Variants in LRRC4C observed in about 807,000 individuals in gnomAD.
LRRC4C encodes the protein leucine rich repeat containing 4C, also known as leucine-rich repeat-containing protein 4C.
A neutral mutation model predicts 33.6 loss-of-function variants in LRRC4C; 5 were observed. The observed-to-expected ratio is 0.15, with a 90% CI of 0.08 to 0.31. The LOEUF (loss-of-function observed/expected upper bound fraction) is 0.31. LRRC4C is among the 10% of genes least tolerant of loss of function. The pLI is 1.00. For missense variants in LRRC4C, 560 were observed against 796.7 expected (o/e 0.70, Z 3.58); for synonymous variants, 329 against 302.0 (o/e 1.09, Z -0.93).
intron 2 of LRRC4C, among the ~76,000 whole-genome samples, chr11:40,827,218 A>C (rs1037388639): frequency 6.6e-6 from 1 of 151,886 alleles, no homozygotes; most frequent in Non-Finnish European, 1.5e-5. Context: ...GAATCTGCTT[A>C]AATCCATTTT....
At chr11:40,621,814 A>G (rs1962482949) in intron 3 of LRRC4C, among the ~76,000 whole-genome samples, 1 of 151,764 alleles carries the variant, frequency 6.6e-6, no homozygotes, top group South Asian at 2.1e-4. Flanking sequence ...GTTTTTTCTC[A>G]GAGATTTTGA....
At chr11:40,704,306 G>A (rs1427094091) in intron 2 of LRRC4C, among the ~76,000 whole-genome samples, 2 of 152,030 alleles carry the variant, frequency 1.3e-5, no homozygotes, top group African/African-American at 4.8e-5. Context: ...GATTCTGAGG[G>A]ACTATTGTAT....
intron 1 of LRRC4C, among the ~76,000 whole-genome samples, chr11:41,021,257 C>T (rs1855965113): frequency 6.9e-6 from 1 of 145,304 alleles, no homozygotes; most frequent in Admixed American, 7.0e-5. Flanking sequence ...TTCAGCATCT[C>T]CAACTTTTAT....
At chr11:41,421,995 T>C (rs1459006683) in intron 1 of LRRC4C, among the ~76,000 whole-genome samples, 1 of 152,030 alleles carries the variant, frequency 6.6e-6, no homozygotes, top group Non-Finnish European at 1.5e-5. Context: ...TCCAATCATA[T>C]GGCCACATAA....
At chr11:40,342,139 A>C (rs1946897131) in intron 3 of LRRC4C, among the ~76,000 whole-genome samples, 1 of 152,222 alleles carries the variant, frequency 6.6e-6, no homozygotes, top group South Asian at 2.1e-4. Context: ...TTAATGTATA[A>C]ATTTAGAGCA....
At chr11:40,869,723 G>C (rs892732491) in intron 2 of LRRC4C, among the ~76,000 whole-genome samples, 1 of 152,110 alleles carries the variant, frequency 6.6e-6, no homozygotes, top group Non-Finnish European at 1.5e-5. Flanking sequence ...AGAAGAATCA[G>C]GGGAGAAGGG....
chr11:41,459,610 AC>A lies in LRRC4C; in HGVS notation c.-676del, dbSNP rs1956272630. On this transcript the variant is annotated 5_prime_UTR_variant, in exon 1 of 7. The change abolishes the stop of an existing upstream ORF in the 5' untranslated region. Transcript: ENST00000528697. ...GCACCAGCAAAAACGTGTCCAAGAGACTCCGCCAAAAAGTAAGCCAAAAACT... is the reference window on the plus strand; with the variant it reads ...GCACCAGCAAAAACGTGTCCAAGAGATCCGCCAAAAAGTAAGCCAAAAACT... 6.6e-6 allele frequency: 1 copy of A among 151,262 alleles called. No individual in the cohort carries two copies. The highest frequency in any genetic ancestry group is 2.4e-5 in the African/African-American group (1 of 41,046). 9.4% of individuals were successfully genotyped at this position (151,262 alleles called of 1,614,324 possible).
chr11:41,053,725 T>G (rs1407346540), intron 1 of LRRC4C, among the ~76,000 whole-genome samples: 1 of 152,230 alleles, frequency 6.6e-6, no homozygotes, highest in African/African-American at 2.4e-5. Flanking sequence ...TAAGTCCATA[T>G]AGAACTCATG....
At chr11:40,404,375 C>T (rs372685007) in intron 3 of LRRC4C, among the ~76,000 whole-genome samples, 4 of 152,086 alleles carry the variant, frequency 2.6e-5, no homozygotes, top group Non-Finnish European at 5.9e-5. Flanking sequence ...GATTTTGTGG[C>T]GATCTCTAAA....
chr11:40,655,438 G>A (rs1397466003), intron 2 of LRRC4C, among the ~76,000 whole-genome samples: 1 of 152,094 alleles, frequency 6.6e-6, no homozygotes, highest in Non-Finnish European at 1.5e-5. Flanking sequence ...TAAAAATATG[G>A]CAAACATGCT....
intron 2 of LRRC4C, among the ~76,000 whole-genome samples, chr11:40,856,133 A>G (rs1216166719): frequency 5.3e-5 from 8 of 152,114 alleles, no homozygotes; most frequent in Non-Finnish European, 1.0e-4. Flanking sequence ...CCATTACTGT[A>G]TGAGCCATCC....
At chr11:40,592,527 G>C (rs529019950) in intron 3 of LRRC4C, among the ~76,000 whole-genome samples, 18 of 152,218 alleles carry the variant, frequency 1.2e-4, no homozygotes, top group Admixed American at 2.6e-4. Flanking sequence ...TATGGAAGTG[G>C]CCTTGTGGGA....
Position 41,078,433 on chromosome 11 carries a change from G to T in LRRC4C, c.-495-144710C>A, listed in dbSNP as rs143924486. On this transcript the variant is annotated intron_variant, in intron 1 of 6. Transcript: ENST00000528697. The stretch of plus-strand genomic sequence containing the variant: ...GATACTGGGTAATTTATGAAGAAAA[G>T]AGATTTAATTGACTCACAGTTTCAC... Among the ~76,000 whole-genome samples, 1,278 of 152,278 alleles carry T rather than the reference G, an allele frequency of 8.4e-3. 26 individuals carry two copies. The highest frequency in any genetic ancestry group is 0.03 in the African/African-American group (1,229 of 41,552).
At position 40,243,688 on chromosome 11, in the gene LRRC4C, T is replaced by A. The variant is rs889601145; in HGVS notation, c.-175-2090A>T. ...TAGACATACGGAAAAAACTTATATC[T>A]TTTTTTTTTTTTTTTTTTTGAGACA... On this transcript the variant is annotated intron_variant, in intron 4 of 6. Transcript: ENST00000528697. Among the ~76,000 whole-genome samples the A allele has an allele frequency of 8.2e-3, 665 of 81,142 alleles. 6 individuals are homozygous for A. The highest frequency in any genetic ancestry group is 0.026 in the African/African-American group (641 of 25,088). The allele number at this position is 81,142 out of a possible 152,430, so 53.2% of individuals were successfully genotyped here.
chr11:41,169,820 C>G (rs534780065), intron 1 of LRRC4C, among the ~76,000 whole-genome samples: 1 of 152,210 alleles, frequency 6.6e-6, no homozygotes, highest in East Asian at 1.9e-4. Flanking sequence ...TTCCCCCTTT[C>G]AATGGTATTG....
At chr11:41,206,051 T>A (rs570954506) in intron 1 of LRRC4C, among the ~76,000 whole-genome samples, 2 of 152,220 alleles carry the variant, frequency 1.3e-5, no homozygotes, top group South Asian at 2.1e-4. Flanking sequence ...CCAATTGAGA[T>A]AAGAATTTAT....
At chr11:41,026,326 A>G (rs1258149589) in intron 1 of LRRC4C, among the ~76,000 whole-genome samples, 1 of 151,646 alleles carries the variant, frequency 6.6e-6, no homozygotes, top group African/African-American at 2.4e-5. Context: ...GAGCTCAGTG[A>G]GGGAAGTAAC....
chr11:40,893,852 T>G (rs1057151670), intron 2 of LRRC4C, among the ~76,000 whole-genome samples: 3 of 145,982 alleles, frequency 2.1e-5, no homozygotes, highest in Non-Finnish European at 4.5e-5. Flanking sequence ...CACACACACA[T>G]TCACACAGAG....
intron 6 of LRRC4C, among the ~76,000 whole-genome samples, chr11:40,134,642 G>A (rs574901172): frequency 5.9e-5 from 9 of 152,296 alleles, no homozygotes; most frequent in Non-Finnish European, 1.2e-4. Flanking sequence ...AAATAATGAT[G>A]GCCTGGGTTA....
Sources: gnomAD v4.1 joint callset for allele counts (sites outside exome capture counted in the v4.1 genomes callset) on GRCh38, gnomAD v4.1.1 for gene constraint, MANE v1.5 for transcripts, NCBI Gene and HGNC (gene_info 2026-07-23, HGNC 2026-07-21) for gene names.